Variants in SGMS1 observed in about 807,000 individuals in gnomAD.
SGMS1 encodes the protein phosphatidylcholine:ceramide cholinephosphotransferase 1.
A neutral mutation model predicts 46.2 loss-of-function variants in SGMS1; 13 were observed. That is an observed-to-expected ratio of 0.28 (90% CI 0.18 to 0.45). The LOEUF (loss-of-function observed/expected upper bound fraction) is 0.45. Ranked by LOEUF, SGMS1 falls within the 20% of genes least tolerant of loss-of-function variation. SGMS1 has a pLI of 1.00. For missense variants in SGMS1, 324 were observed against 519.9 expected, an observed-to-expected ratio of 0.62 and a Z score of 3.66; for synonymous variants, 203 against 187.8, an observed-to-expected ratio of 1.08 and a Z score of -0.66.
At chr10:50,333,683 T>C (rs1408091084) in intron 7 of SGMS1, among the ~76,000 whole-genome samples, 8 of 152,118 alleles carry the variant, frequency 5.3e-5, no homozygotes, top group African/African-American at 1.7e-4. Context: ...GTAAAACAAA[T>C]GAAGAGCAAG....
At chr10:50,552,514 T>C (rs995990269) in intron 2 of SGMS1, among the ~76,000 whole-genome samples, 2 of 152,236 alleles carry the variant, frequency 1.3e-5, no homozygotes, top group African/African-American at 4.8e-5. Flanking sequence ...TAAAGAGGGA[T>C]ATATTACACA....
chr10:50,557,057 G>A (rs984773826), intron 2 of SGMS1, among the ~76,000 whole-genome samples: 2 of 152,116 alleles, frequency 1.3e-5, no homozygotes, highest in Non-Finnish European at 2.9e-5. Context: ...CACATAGTAG[G>A]CTTTATACAA....
intron 6 of SGMS1, among the ~76,000 whole-genome samples, chr10:50,421,582 A>G (rs1849254932): frequency 6.6e-6 from 1 of 152,136 alleles, no homozygotes; most frequent in Non-Finnish European, 1.5e-5. Flanking sequence ...CTCAGTCACA[A>G]CAGGACCTCC....
intron 1 of SGMS1, among the ~76,000 whole-genome samples, chr10:50,610,101 A>G (rs1323450656): frequency 6.6e-6 from 1 of 152,170 alleles, no homozygotes; most frequent in Admixed American, 6.5e-5. Context: ...CTTTGCTTCC[A>G]CTAAGTCAAA....
chr10:50,538,206 C>G (rs1838020671), intron 2 of SGMS1, among the ~76,000 whole-genome samples: 1 of 151,608 alleles, frequency 6.6e-6, no homozygotes, highest in African/African-American at 2.4e-5. Context: ...ACCTGTAATC[C>G]CAGCACTTTG....
chr10:50,476,097 CAAAAAAAAAAAAA>C (rs58641986), intron 3 of SGMS1, among the ~76,000 whole-genome samples: 7 of 43,298 alleles, frequency 1.6e-4, no homozygotes, highest in African/African-American at 4.9e-4. Flanking sequence ...ACTAAAAATA[CAAAAAAAAAAAAA>C]AAAAAAAAAA....
At chr10:50,384,907 A>G (rs1848660833) in intron 6 of SGMS1, among the ~76,000 whole-genome samples, 1 of 152,196 alleles carries the variant, frequency 6.6e-6, no homozygotes, top group Admixed American at 6.5e-5. Context: ...AATTCTGTTA[A>G]CTAAATGACA....
chr10:50,620,867 G>T (rs1401595594), intron 1 of SGMS1, among the ~76,000 whole-genome samples: 2 of 152,102 alleles, frequency 1.3e-5, no homozygotes, highest in Non-Finnish European at 2.9e-5. Flanking sequence ...CATCCAACAG[G>T]AGCACTTTTT....
At chr10:50,405,153 A>G (rs1288922905) in intron 6 of SGMS1, among the ~76,000 whole-genome samples, 1 of 152,182 alleles carries the variant, frequency 6.6e-6, no homozygotes, top group Non-Finnish European at 1.5e-5. Context: ...AACGATGTAC[A>G]TGCACCATTT....
At chr10:50,515,036 G>A (rs2133779230) in intron 3 of SGMS1, among the ~76,000 whole-genome samples, 1 of 152,338 alleles carries the variant, frequency 6.6e-6, no homozygotes, top group Non-Finnish European at 1.5e-5. Flanking sequence ...GGTTGGAGAG[G>A]AAGGTGATTA....
chr10:50,540,433 C>A (rs1838042090), intron 2 of SGMS1, among the ~76,000 whole-genome samples: 1 of 152,160 alleles, frequency 6.6e-6, no homozygotes, highest in Non-Finnish European at 1.5e-5. Flanking sequence ...CCACTACTCT[C>A]ATTCTTTCAC....
intron 2 of SGMS1, among the ~76,000 whole-genome samples, chr10:50,581,495 G>A (rs775616888): frequency 5.9e-5 from 9 of 152,210 alleles, no homozygotes; most frequent in Non-Finnish European, 1.2e-4. Flanking sequence ...GACATTACAG[G>A]AAATAAGGTT....
chr10:50,484,070 C>CA (rs1473122775), intron 3 of SGMS1, among the ~76,000 whole-genome samples: 1 of 151,656 alleles, frequency 6.6e-6, no homozygotes, highest in African/African-American at 2.4e-5. Flanking sequence ...GATAGAGATG[C>CA]AAAAAAACCC....
chr10:50,428,638 T>C (rs1037721199), intron 6 of SGMS1, among the ~76,000 whole-genome samples: 25 of 152,216 alleles, frequency 1.6e-4, no homozygotes, highest in African/African-American at 5.1e-4. Flanking sequence ...GATACTGTCT[T>C]ACTATCTTTA....
At chr10:50,513,788 T>C (rs1449782770) in intron 3 of SGMS1, among the ~76,000 whole-genome samples, 1 of 152,224 alleles carries the variant, frequency 6.6e-6, no homozygotes, top group Admixed American at 6.5e-5. Flanking sequence ...TAAGGTACTT[T>C]AGCACAAATA....
chr10:50,373,497 T>C (rs1161393239), intron 6 of SGMS1, among the ~76,000 whole-genome samples: 2 of 152,232 alleles, frequency 1.3e-5, no homozygotes, highest in African/African-American at 2.4e-5. Flanking sequence ...CCTGAGACAG[T>C]GGCATGGCTC....
intron 6 of SGMS1, among the ~76,000 whole-genome samples, chr10:50,380,841 T>C (rs1349692278): frequency 6.6e-6 from 1 of 152,156 alleles, no homozygotes; most frequent in African/African-American, 2.4e-5. Context: ...ATGGCATTTT[T>C]CTTTTTGAGA....
chr10:50,369,545 T>C (rs1345811662), intron 6 of SGMS1, among the ~76,000 whole-genome samples: 1 of 149,338 alleles, frequency 6.7e-6, no homozygotes, highest in Non-Finnish European at 1.5e-5. Flanking sequence ...ATCACATACA[T>C]ATGCCAAAAA....
intron 3 of SGMS1, among the ~76,000 whole-genome samples, chr10:50,502,708 T>C (rs10826118): frequency 0.59 from 89,953 of 151,992 alleles, 26,690 homozygotes; most frequent in Admixed American, 0.68. Context: ...TCCCCAGGTC[T>C]CTAACATCAA....
Sources: allele counts gnomAD v4.1 joint callset (sites outside exome capture counted in the v4.1 genomes callset), GRCh38; gene constraint gnomAD v4.1.1; transcripts MANE v1.5; gene names NCBI Gene and HGNC (gene_info 2026-07-23, HGNC 2026-07-21).